The following SLCO1B3 variants were observed in gnomAD, a reference collection of about 807,000 sequenced individuals.
SLCO1B3 encodes the protein liver-specific organic anion transporter 2.
In SLCO1B3, 72 loss-of-function variants were observed where a neutral mutation model predicts 71.8. The ratio of observed to expected loss-of-function variants is 1.00; its 90% CI spans 0.83 to 1.22. The LOEUF (loss-of-function observed/expected upper bound fraction) is 1.22. Among genes scored for constraint, SLCO1B3 ranks in the 50% most tolerant of loss-of-function variants. SLCO1B3 has a pLI of 0.00. For missense variants in SLCO1B3, 911 were observed against 819.7 expected, an observed-to-expected ratio of 1.11 and a Z score of -1.36; for synonymous variants, 298 against 278.4, an observed-to-expected ratio of 1.07 and a Z score of -0.70.
At chr12:20,867,896 T>G (rs1363781186) in intron 8 of SLCO1B3, among the ~76,000 whole-genome samples, 1 of 152,170 alleles carries the variant, frequency 6.6e-6, no homozygotes, top group Non-Finnish European at 1.5e-5. Flanking sequence ...TCTTTCTTTT[T>G]ACCTCCTCCA....
intron 15 of SLCO1B3, among the ~76,000 whole-genome samples, chr12:20,903,219 A>G (rs1265644856): frequency 6.6e-6 from 1 of 152,186 alleles, no homozygotes; most frequent in African/African-American, 2.4e-5. Context: ...AAATAGAGTT[A>G]TTGTACGATT....
intron 10 of SLCO1B3, 39 bp from the exon 11 acceptor site, chr12:20,879,397 T>C (rs1268877532): frequency 7.2e-7 from 1 of 1,383,238 alleles, no homozygotes; most frequent in Non-Finnish European, 1.0e-6. Flanking sequence ...AAAACCATAT[T>C]TGTATAATTA....
rs560166567 is a variant in SLCO1B3 at position 20,841,187 on chromosome 12, A to G, written c.85-13841A>G. 9.2e-5 allele frequency among the ~76,000 whole-genome samples: 14 copies of G among 151,992 alleles called. No homozygotes were observed. The East Asian group carries it at 2.7e-3, about 30-fold the overall frequency. On this transcript the variant is annotated intron_variant, in intron 3 of 15. Coordinates refer to ENST00000381545, the MANE Select transcript of SLCO1B3 (RefSeq NM_019844.4). ...TATTTACTTTGTCTCTCCATCTCCA[A>G]TCTTGGAGACAGTGGTTTGCCACAT...
intron 3 of SLCO1B3, among the ~76,000 whole-genome samples, chr12:20,823,709 C>A (rs1334746884): frequency 1.3e-5 from 2 of 152,152 alleles, no homozygotes; most frequent in African/African-American, 4.8e-5. Flanking sequence ...ATGCCTGAAG[C>A]CTAGCCAAGG....
At chr12:20,817,601 T>C (rs1864214022) in intron 3 of SLCO1B3, among the ~76,000 whole-genome samples, 1 of 152,050 alleles carries the variant, frequency 6.6e-6, no homozygotes, top group African/African-American at 2.4e-5. Flanking sequence ...GTATAATTTT[T>C]TTTTGAGATG....
chr12:20,896,833 G>T (rs1341370840), intron 13 of SLCO1B3, among the ~76,000 whole-genome samples: 1 of 152,142 alleles, frequency 6.6e-6, no homozygotes, highest in African/African-American at 2.4e-5. Context: ...AAAGAAAGAG[G>T]TTTAATATGA....
intron 3 of SLCO1B3, among the ~76,000 whole-genome samples, chr12:20,837,177 A>G (rs1316725430): frequency 1.3e-5 from 2 of 151,918 alleles, no homozygotes; most frequent in Non-Finnish European, 2.9e-5. Context: ...TATTTTTGAT[A>G]TTGGTAATTA....
intron 3 of SLCO1B3, among the ~76,000 whole-genome samples, chr12:20,837,894 T>G (rs929866674): frequency 9.2e-5 from 14 of 152,134 alleles, no homozygotes; most frequent in Non-Finnish European, 1.5e-4. Context: ...TTCTGCCTGC[T>G]GGATTTGTTC....
At chr12:20,821,861 C>T (rs1163244347) in intron 3 of SLCO1B3, among the ~76,000 whole-genome samples, 1 of 152,184 alleles carries the variant, frequency 6.6e-6, no homozygotes, top group Non-Finnish European at 1.5e-5. Context: ...CAGTCCGTGA[C>T]CGGCACCGGA....
At chr12:20,814,732 T>A (rs1864160789) in intron 2 of SLCO1B3, among the ~76,000 whole-genome samples, 1 of 151,774 alleles carries the variant, frequency 6.6e-6, no homozygotes, top group Non-Finnish European at 1.5e-5. Context: ...CTACTAAAAA[T>A]ACAAAACAAT....
At chr12:20,825,208 G>A (rs1262531970) in intron 3 of SLCO1B3, among the ~76,000 whole-genome samples, 1 of 152,114 alleles carries the variant, frequency 6.6e-6, no homozygotes, top group African/African-American at 2.4e-5. Context: ...CAGGGGTCCT[G>A]ATGCTGGTCT....
intron 15 of SLCO1B3, chr12:20,902,315 A>G (rs1866146514): frequency 6.5e-6 from 1 of 153,174 alleles, no homozygotes; most frequent in African/African-American, 2.4e-5. Flanking sequence ...TTTCTCCACT[A>G]TGTCTTCAGT....
At chr12:20,839,690 T>C (rs1448584594) in intron 3 of SLCO1B3, among the ~76,000 whole-genome samples, 1 of 152,144 alleles carries the variant, frequency 6.6e-6, no homozygotes, top group Non-Finnish European at 1.5e-5. Context: ...CCAAGATCTG[T>C]GGTATGTTGT....
intron 8 of SLCO1B3, among the ~76,000 whole-genome samples, chr12:20,874,189 GT>G (rs909071380): frequency 6.6e-6 from 1 of 152,056 alleles, no homozygotes; most frequent in Non-Finnish European, 1.5e-5. Flanking sequence ...CACATTTTTT[GT>G]TTTTTTCTTT....
intron 2 of SLCO1B3, among the ~76,000 whole-genome samples, chr12:20,814,981 C>CTTTTTTTTTTTT (rs71039997): frequency 1.1e-5 from 1 of 89,294 alleles, no homozygotes. Context: ...CTTTTCTTTT[C>CTTTTTTTTTTTT]TTTTTTTTTT....
At chr12:20,815,386 T>A (rs1864174765) in intron 2 of SLCO1B3, among the ~76,000 whole-genome samples, 1 of 152,116 alleles carries the variant, frequency 6.6e-6, no homozygotes, top group African/African-American at 2.4e-5. Flanking sequence ...TAATTTAAAA[T>A]TGTTGTTCAT....
At chr12:20,845,391 G>A (rs1864896833) in intron 3 of SLCO1B3, 1 of 198,108 alleles carries the variant, frequency 5.0e-6, no homozygotes. Flanking sequence ...GGCTATATGG[G>A]ACTCTCATCC....
At chr12:20,915,855 A>G (rs1403198168) in intron 15 of SLCO1B3, 149 bp from the exon 16 acceptor site, 2 of 562,832 alleles carry the variant, frequency 3.6e-6, no homozygotes, top group Non-Finnish European at 6.1e-6. Context: ...TATGCCCCCA[A>G]TGAAAATAAT....
intron 3 of SLCO1B3, among the ~76,000 whole-genome samples, chr12:20,836,939 C>T (rs567528972): frequency 9.8e-5 from 15 of 152,312 alleles, no homozygotes; most frequent in Non-Finnish European, 1.9e-4. Context: ...CTGTGCTAGG[C>T]CCATTCTTTC....
Sources: allele counts gnomAD v4.1 joint callset (sites outside exome capture counted in the v4.1 genomes callset), GRCh38; gene constraint gnomAD v4.1.1; transcripts MANE v1.5; gene names NCBI Gene and HGNC (gene_info 2026-07-23, HGNC 2026-07-21).